SH2D2A: variants seen among roughly 807,000 people sequenced by gnomAD.
SH2D2A encodes the protein SH2 domain-containing protein 2A.
Under a neutral mutation model 43.6 loss-of-function variants are expected in SH2D2A, and 33 were observed. That is an observed-to-expected ratio of 0.76 (90% CI 0.57 to 1.01). The LOEUF (loss-of-function observed/expected upper bound fraction) is 1.01, where lower values mean the gene tolerates loss of function less well. SH2D2A is among the 50% of genes least tolerant of loss of function. The pLI, the probability that SH2D2A is intolerant of heterozygous loss-of-function variation, is 0.00. For missense variants in SH2D2A, 491 were observed against 503.1 expected (o/e 0.98, Z 0.23); for synonymous variants, 212 against 206.1 (o/e 1.03, Z -0.25).
Position 156,807,183 on chromosome 1 carries a change from G to A in SH2D2A, c.1165C>T (p.Gln389Ter). 3 of 1,612,490 alleles carry A rather than the reference G, an allele frequency of 1.9e-6. No homozygotes were observed. Among genetic ancestry groups the A allele is most frequent in the African/African-American group, 1.3e-5 (1 of 74,904 alleles). ...ACCAAGCTCAGACTTACCGCCTACT[G>A]AGGAGGCCCAAGGGGAAGCCATGCC... ...GQAWLPLGPP[Q>*] Residue 389 changes from glutamine to a stop codon, truncating the protein, a stop_gained, in exon 8 of 9, where the codon CAG becomes TAG. Transcript: ENST00000368199. LOFTEE classifies it high-confidence loss of function. This position sits in a 1 kb window ranked among gnomAD's most constrained non-coding sequence, Gnocchi z 5.1.
rs750472848 is a variant in SH2D2A at position 156,816,749 on chromosome 1, A to T, written c.-41T>A. ...AGGGATCCCAGAGCAGGGTGTGTGT[A>T]TGTGTTCCGGAAAGGTGTGCACACT... On this transcript the variant is annotated 5_prime_UTR_variant, in exon 1 of 9. Coordinates refer to ENST00000368199, the MANE Select transcript of SH2D2A (RefSeq NM_003975.4). 3.9e-6 allele frequency: 6 copies of T among 1,557,212 alleles called. No homozygotes were observed. Among genetic ancestry groups the T allele is most frequent in the Admixed American group, 1.9e-5 (1 of 52,924 alleles).
chr1:156,813,940 C>T lies in SH2D2A; in HGVS notation c.475G>A (p.Ala159Thr), dbSNP rs752494262. The T allele has an allele frequency of 2.6e-6, 4 of 1,533,670 alleles. No individual in the cohort carries two copies. The African/African-American group carries it at 4.1e-5, about 16-fold the overall frequency. ...GRHVVLGEDS[A>T]HARLQDLLLH... The stretch of plus-strand genomic sequence containing the variant: ...AGCAGGTCCTGCAGCCGCGCGTGGG[C>T]GCTGTCCTCGCCCAGCACCACGTGG... The change falls in exon 5 of 9, where the codon GCC becomes ACC. Residue 159 changes from alanine (A) to threonine (T), a missense_variant. Physicochemically the swap from Ala to Thr is moderately conservative, Grantham distance 58. Transcript: ENST00000368199.
Position 156,807,231 on chromosome 1 carries a change from G to A in SH2D2A, c.1117C>T (p.Gln373Ter). The change falls in exon 8 of 9, where the codon CAG becomes TAG. Residue 373 changes from glutamine to a stop codon, truncating the protein, a stop_gained. Coordinates refer to ENST00000368199, the MANE Select transcript of SH2D2A (RefSeq NM_003975.4). LOFTEE classifies it high-confidence loss of function. The surrounding 1 kb of genome is among the most constrained non-coding windows in gnomAD (Gnocchi z 5.1). Reference sequence around the variant, plus strand: ...GCCTGTCCTCTGTCCTGAAGCACCTGTCTAGAAAGATTGTGGGGGAGGGTG... The same window carrying A: ...GCCTGTCCTCTGTCCTGAAGCACCTATCTAGAAAGATTGTGGGGGAGGGTG... ...RHTLPHNLSRQVLQDRGQAWL... is the reference protein window; with the variant it reads ...RHTLPHNLSR 1 of 1,508,834 alleles carries A rather than the reference G, an allele frequency of 6.6e-7. No homozygotes were observed. Among genetic ancestry groups the A allele is most frequent in the Non-Finnish European group, 9.0e-7 (1 of 1,115,948 alleles). The allele number at this position is 1,508,834 out of a possible 1,614,324, so 93.5% of individuals were successfully genotyped here. A position where few individuals can be genotyped will look rare whatever the true frequency, so the allele number is the denominator to read the frequency against.
intron 3 of SH2D2A, chr1:156,814,804 G>T (rs1009048173): frequency 3.0e-5 from 13 of 435,114 alleles, no homozygotes; most frequent in African/African-American, 1.8e-4. Context: ...GCCTAGAGAG[G>T]GGAAGCTGAG....
intron 7 of SH2D2A, among the ~76,000 whole-genome samples, chr1:156,808,279 G>A (rs1558061039): frequency 6.6e-6 from 1 of 152,176 alleles, no homozygotes; most frequent in African/African-American, 2.4e-5. Context: ...GGCTAGCTGG[G>A]TAGCTGGAGA....
rs1653895014 is a variant in SH2D2A, at chr1:156,816,077, T to C, written c.52A>G (p.Ile18Val). ...ATCTGGAAGGTGCTGAAGGTTGGGA[T>C]GGGGGCTTCGTGACTCCCTGTGAGC... Reference protein sequence around the residue: ...ICPQGSHEAPIPTFSTFQITD... With the variant: ...ICPQGSHEAPVPTFSTFQITD... The change falls in exon 2 of 9, where the codon ATC (isoleucine) becomes GTC (valine). Residue 18 changes from isoleucine to valine, a missense_variant. Transcript: ENST00000368199. 1.2e-6 allele frequency: 2 copies of C among 1,613,654 alleles called. No individual in the cohort carries two copies. Among genetic ancestry groups the C allele is most frequent in the African/African-American group, 1.3e-5 (1 of 74,894 alleles).
rs1192314025 is a variant in SH2D2A, at chr1:156,814,261, C to G, written c.342G>C (p.Gln114His). Residue 114 changes from glutamine to histidine, a missense_variant, in exon 4 of 9, where the codon CAG becomes CAC. Coordinates refer to ENST00000368199, the MANE Select transcript of SH2D2A (RefSeq NM_003975.4). ...CGCTGAACCGCACCAAGTAGCACCC[C>G]TGAGGCTTGGGCTCCAGCAGCCTCT... ...EAERLLEPKP[Q>H]GCYLVRFSES... 1 of 1,613,856 alleles carries G rather than the reference C, an allele frequency of 6.2e-7. No individual in the cohort carries two copies. Among genetic ancestry groups the G allele is most frequent in the Admixed American group, 1.7e-5 (1 of 60,002 alleles).
At chr1:156,812,828 C>T (rs1444934868) in intron 5 of SH2D2A, among the ~76,000 whole-genome samples, 1 of 152,142 alleles carries the variant, frequency 6.6e-6, no homozygotes, top group African/African-American at 2.4e-5. Flanking sequence ...ATTACTCACT[C>T]GTCTGTCTCC....
Position 156,815,033 on chromosome 1 carries a change from T to C in SH2D2A, c.308+4A>G. ...CTGGGCCAATTTCCTCCTCCATGAC[T>C]CACCTCCGGGTGATGAAGCCATGGA... On this transcript the variant is annotated splice_donor_region_variant and intron_variant, in intron 3 of 8. Transcript: ENST00000368199. 6.6e-7 allele frequency: 1 copy of C among 1,515,206 alleles called. No homozygotes were observed. Among genetic ancestry groups the C allele is most frequent in the Non-Finnish European group, 8.9e-7 (1 of 1,126,370 alleles). The allele number at this position is 1,515,206 out of a possible 1,614,324, so 93.9% of individuals were successfully genotyped here.
intron 5 of SH2D2A, among the ~76,000 whole-genome samples, chr1:156,811,524 C>G (rs1653420374): frequency 6.6e-6 from 1 of 152,160 alleles, no homozygotes; most frequent in South Asian, 2.1e-4. Context: ...TTCCCTACGC[C>G]CTGTGAATCT....
Position 156,813,987 on chromosome 1 carries a change from A to AGCAGGAAGTGGCG in SH2D2A, c.415_427dup (p.Leu143ProfsTer54). 3 of 1,523,064 alleles carry AGCAGGAAGTGGCG rather than the reference A, an allele frequency of 2.0e-6. No homozygotes were observed. Among genetic ancestry groups the AGCAGGAAGTGGCG allele is most frequent in the Non-Finnish European group, 2.6e-6 (3 of 1,137,220 alleles). 94.3% of individuals were successfully genotyped at this position (1,523,064 alleles called of 1,614,324 possible). A position where few individuals can be genotyped will look rare whatever the true frequency, so the allele number is the denominator to read the frequency against. On this transcript the variant is annotated frameshift_variant, in exon 5 of 9. Transcript: ENST00000368199. LOFTEE classifies it high-confidence loss of function. Reference sequence around the variant, plus strand: ...GTGGCGCCCGTCCCTGAGCTGGGCCAGCAGGAAGTGGCGGCAGCAAGTCCG... The same window carrying AGCAGGAAGTGGCG: ...GTGGCGCCCGTCCCTGAGCTGGGCCAGCAGGAAGTGGCGGCAGGAAGTGGCGGCAGCAAGTCCG...
At chr1:156,814,566 T>C (rs952419932) in intron 3 of SH2D2A, 3 of 522,152 alleles carry the variant, frequency 5.7e-6, no homozygotes, top group Non-Finnish European at 1.0e-5. Context: ...GGGCTGCTAC[T>C]GCAGCTACAG....
rs1054137213 is a variant in SH2D2A, at chr1:156,807,089, T to C, written c.*3+86A>G. ...CTTTGAACACCTATGGTTTATTCCA[T>C]CCACATTTCTTGAGAAGTGTGCCAG... On this transcript the variant is annotated intron_variant, in intron 8 of 8. Coordinates refer to ENST00000368199, the MANE Select transcript of SH2D2A (RefSeq NM_003975.4). The surrounding 1 kb of genome is among the most constrained non-coding windows in gnomAD (Gnocchi z 5.1). 1.1e-5 allele frequency: 13 copies of C among 1,223,734 alleles called. No individual in the cohort carries two copies. Among genetic ancestry groups the C allele is most frequent in the Non-Finnish European group, 1.6e-5 (13 of 834,786 alleles). 75.8% of individuals were successfully genotyped at this position (1,223,734 alleles called of 1,614,324 possible).
In SH2D2A at chr1:156,814,446, G is replaced by A. The variant is rs548427135; in HGVS notation, c.309-152C>T. On this transcript the variant is annotated intron_variant, in intron 3 of 8. Transcript: ENST00000368199. ...GGGCGGAGATGGGGAGAGAGAGCAC[G>A]TGGGCGCTGCTCTCCCGCTGCAGGG... 8.8e-6 allele frequency: 12 copies of A among 1,368,834 alleles called. No individual in the cohort carries two copies. The East Asian group carries it at 2.5e-4, about 29-fold the overall frequency. 84.8% of individuals were successfully genotyped at this position (1,368,834 alleles called of 1,614,324 possible). A position where few individuals can be genotyped will look rare whatever the true frequency, so the allele number is the denominator to read the frequency against.
At chr1:156,814,745 A>G in intron 3 of SH2D2A, 2 of 415,964 alleles carry the variant, frequency 4.8e-6, no homozygotes, top group East Asian at 3.7e-5. Flanking sequence ...AGGGAGAGAG[A>G]GGTGGAAAAT....
intron 1 of SH2D2A, 150 bp downstream of exon 1, chr1:156,816,525 G>A: frequency 7.5e-6 from 5 of 669,068 alleles, no homozygotes; most frequent in Non-Finnish European, 1.0e-5. Context: ...CCCAGGCAGG[G>A]TTGTGGTCAC....
chr1:156,808,691 G>A (rs982593532), intron 7 of SH2D2A, among the ~76,000 whole-genome samples: 5 of 152,200 alleles, frequency 3.3e-5, no homozygotes, highest in Non-Finnish European at 5.9e-5. Context: ...GGAGAAGGAA[G>A]AGGGAGACAG....
At chr1:156,810,812 C>T (rs776054926) in intron 5 of SH2D2A, among the ~76,000 whole-genome samples, 13 of 152,192 alleles carry the variant, frequency 8.5e-5, no homozygotes, top group Non-Finnish European at 1.6e-4. Context: ...TGAGCCACTG[C>T]GCCCGGCCAT....
intron 3 of SH2D2A, chr1:156,814,618 G>A (rs552143307): frequency 2.2e-6 from 1 of 459,748 alleles, no homozygotes; most frequent in East Asian, 3.6e-5. Flanking sequence ...AGAAGTCAAA[G>A]CTGAACTGAG....
Sources: allele counts gnomAD v4.1 joint callset (sites outside exome capture counted in the v4.1 genomes callset), GRCh38; gene constraint gnomAD v4.1.1; non-coding constraint Gnocchi (gnomAD v3.1); transcripts MANE v1.5; gene names NCBI Gene and HGNC (gene_info 2026-07-23, HGNC 2026-07-21).